Variants in ANO10 observed in about 807,000 individuals in gnomAD.
ANO10 encodes the protein anoctamin 10.
Under a neutral mutation model 74.7 loss-of-function variants are expected in ANO10, and 77 were observed. That is an observed-to-expected ratio of 1.03 (90% CI 0.86 to 1.25). The LOEUF (loss-of-function observed/expected upper bound fraction) is 1.25, where lower values mean the gene tolerates loss of function less well. ANO10 is among the 50% of genes most tolerant of loss of function. ANO10 has a pLI of 0.00. For synonymous variants in ANO10, 279 were observed against 284.9 expected, an observed-to-expected ratio of 0.98 and a Z score of 0.21; for missense variants, 721 against 778.1, an observed-to-expected ratio of 0.93 and a Z score of 0.87.
At position 43,562,455 on chromosome 3, in the gene ANO10, C is replaced by CAAAAAAAAAAAAAAAAAAAA. The variant is rs1169816392; in HGVS notation, c.1294-1054_1294-1053insTTTTTTTTTTTTTTTTTTTT. Among the ~76,000 whole-genome samples the CAAAAAAAAAAAAAAAAAAAA allele has an allele frequency of 1.4e-4, 10 of 69,940 alleles. 1 individual carries two copies. Among genetic ancestry groups the CAAAAAAAAAAAAAAAAAAAA allele is most frequent in the South Asian group, 6.8e-4 (1 of 1,478 alleles). The allele number at this position is 69,940 out of a possible 152,430, so 45.9% of individuals were successfully genotyped here. On this transcript the variant is annotated intron_variant, in intron 8 of 12. Coordinates refer to ENST00000292246, the MANE Select transcript of ANO10 (RefSeq NM_018075.5). ...CGGCAGAACGAGGCTCTGTCTCAAA[C>CAAAAAAAAAAAAAAAAAAAA]AAAAAAAAAAAAAAAAGAAGTTTGA...
At chr3:43,454,233 G>A (rs1236329849) in intron 11 of ANO10, among the ~76,000 whole-genome samples, 3 of 152,300 alleles carry the variant, frequency 2.0e-5, no homozygotes, top group Admixed American at 6.5e-5. Flanking sequence ...GGAATGGATT[G>A]CAAGAACGTT....
chr3:43,615,331 C>G (rs915177398), intron 1 of ANO10, among the ~76,000 whole-genome samples: 1 of 151,396 alleles, frequency 6.6e-6, no homozygotes, highest in African/African-American at 2.4e-5. Context: ...CCAAAGTCCA[C>G]ATCCTGAAGC....
At chr3:43,544,656 G>C (rs1559675941) in intron 11 of ANO10, among the ~76,000 whole-genome samples, 1 of 152,004 alleles carries the variant, frequency 6.6e-6, no homozygotes, top group Non-Finnish European at 1.5e-5. Flanking sequence ...AGCCAAGCGT[G>C]GTGGTGTGCA....
At chr3:43,499,830 ATT>A (rs879361849) in intron 11 of ANO10, among the ~76,000 whole-genome samples, 7 of 143,956 alleles carry the variant, frequency 4.9e-5, no homozygotes, top group Admixed American at 7.0e-5. Flanking sequence ...GTACTACTAG[ATT>A]TTTTTTTTTT....
intron 11 of ANO10, among the ~76,000 whole-genome samples, chr3:43,482,560 G>A (rs1378479621): frequency 6.6e-6 from 1 of 152,012 alleles, no homozygotes; most frequent in Non-Finnish European, 1.5e-5. Flanking sequence ...ACCATACCCA[G>A]GTAAACACAC....
chr3:43,444,799 G>GAAT, intron 11 of ANO10, among the ~76,000 whole-genome samples: 1 of 152,210 alleles, frequency 6.6e-6, no homozygotes, highest in Non-Finnish European at 1.5e-5. Context: ...GTCAGAGTTA[G>GAAT]AATAAAAAGC....
At chr3:43,427,368 T>G (rs2092914379) in intron 12 of ANO10, among the ~76,000 whole-genome samples, 1 of 152,092 alleles carries the variant, frequency 6.6e-6, no homozygotes, top group African/African-American at 2.4e-5. Context: ...GGAAGAAGAA[T>G]CTTCAGGGCA....
At chr3:43,371,354 TTC>T (rs1184407247) in intron 12 of ANO10, among the ~76,000 whole-genome samples, 1 of 151,856 alleles carries the variant, frequency 6.6e-6, no homozygotes, top group Non-Finnish European at 1.5e-5. Context: ...AGGAATGGAG[TTC>T]TCAGGCCACT....
At chr3:43,647,151 ATATG>A (rs1429274567) in intron 1 of ANO10, among the ~76,000 whole-genome samples, 4 of 73,760 alleles carry the variant, frequency 5.4e-5, no homozygotes, top group African/African-American at 1.6e-4. Context: ...ATATGTGTAT[ATATG>A]TGTGTGTGTG....
At chr3:43,613,901 G>C (rs2082956508) in intron 1 of ANO10, among the ~76,000 whole-genome samples, 2 of 152,116 alleles carry the variant, frequency 1.3e-5, no homozygotes, top group Admixed American at 1.3e-4. Context: ...TAACACATGG[G>C]CTAAGTACAG....
At chr3:43,690,720 G>GCCAGTCCCTCTGGGCTGACTGT in intron 1 of ANO10, 1 of 401,342 alleles carries the variant, frequency 2.5e-6, no homozygotes, top group Non-Finnish European at 4.4e-6. Flanking sequence ...GGTGAGTCTC[G>GCCAGTCCCTCTGGGCTGACTGT]CCAGTCCCTC....
intron 7 of ANO10, among the ~76,000 whole-genome samples, chr3:43,567,602 G>C (rs919780450): frequency 9.4e-4 from 143 of 151,954 alleles, no homozygotes; most frequent in African/African-American, 2.7e-3. Context: ...AAGTGAAGGA[G>C]AAATAAAATA....
At chr3:43,609,981 G>A (rs879632094) in intron 1 of ANO10, among the ~76,000 whole-genome samples, 1 of 152,028 alleles carries the variant, frequency 6.6e-6, no homozygotes, top group African/African-American at 2.4e-5. Flanking sequence ...TGTACATTTA[G>A]GCTATACTAA....
chr3:43,392,081 C>A (rs17075696), intron 12 of ANO10, among the ~76,000 whole-genome samples: 3,584 of 152,198 alleles, frequency 0.024, 146 homozygotes, highest in African/African-American at 0.081. Flanking sequence ...AGGGTCCTCA[C>A]CAGAGAGGCA....
intron 11 of ANO10, among the ~76,000 whole-genome samples, chr3:43,434,454 A>T (rs1002358698): frequency 6.6e-6 from 1 of 152,238 alleles, no homozygotes. Context: ...TATACAAGAC[A>T]ATCTCTTCAG....
intron 12 of ANO10, among the ~76,000 whole-genome samples, chr3:43,410,390 A>T (rs978554132): frequency 6.6e-6 from 1 of 152,148 alleles, no homozygotes; most frequent in Non-Finnish European, 1.5e-5. Context: ...AGTAGCTGGG[A>T]CTATAGGTAC....
At chr3:43,568,966 A>T (rs1235114551) in intron 7 of ANO10, among the ~76,000 whole-genome samples, 1 of 143,146 alleles carries the variant, frequency 7.0e-6, no homozygotes, top group African/African-American at 2.7e-5. Context: ...AAAAGAGAGA[A>T]GAATCAAATA....
At position 43,368,766 on chromosome 3, in the gene ANO10, C is replaced by T. The variant is rs148442671; in HGVS notation, c.1915-1792G>A. On this transcript the variant is annotated intron_variant, in intron 12 of 12. Coordinates refer to ENST00000292246, the MANE Select transcript of ANO10 (RefSeq NM_018075.5). The stretch of plus-strand genomic sequence containing the variant: ...CAGAGGCGTGATCACACTGCAACCT[C>T]GAACTCCTGGGCTCAAGGGATCCTC... Among the ~76,000 whole-genome samples, 24 of 151,636 alleles carry T rather than the reference C, an allele frequency of 1.6e-4. 1 individual carries two copies. In the East Asian group the frequency reaches 3.5e-3, roughly 22 times the overall value.
intron 7 of ANO10, among the ~76,000 whole-genome samples, chr3:43,566,242 G>A (rs1195662339): frequency 2.6e-5 from 4 of 152,140 alleles, no homozygotes; most frequent in African/African-American, 9.7e-5. Context: ...ACTGCAAGGC[G>A]GCAGCGAGGC....
Sources: gnomAD v4.1 joint callset for allele counts (sites outside exome capture counted in the v4.1 genomes callset) on GRCh38, gnomAD v4.1.1 for gene constraint, MANE v1.5 for transcripts, NCBI Gene and HGNC (gene_info 2026-07-23, HGNC 2026-07-21) for gene names.